The following PLCB4 variants were observed in gnomAD, a reference collection of about 807,000 sequenced individuals.
PLCB4 encodes the protein phospholipase C beta 4, also known as 1-phosphatidylinositol 4,5-bisphosphate phosphodiesterase beta-4.
A neutral mutation model predicts 178.8 loss-of-function variants in PLCB4; 77 were observed. That is an observed-to-expected ratio of 0.43 (90% CI 0.36 to 0.52). PLCB4 has a LOEUF of 0.52. PLCB4 is among the 20% of genes least tolerant of loss of function. The probability of loss-of-function intolerance (pLI) is 0.00; values close to 1 mark genes in which losing one functional copy is unlikely to be tolerated. For missense variants in PLCB4, 1,024 were observed against 1,453.4 expected, an observed-to-expected ratio of 0.70 and a Z score of 4.80; for synonymous variants, 496 against 490.8, an observed-to-expected ratio of 1.01 and a Z score of -0.14.
chr20:9,175,683 C>G (rs559958645), intron 2 of PLCB4, among the ~76,000 whole-genome samples: 25 of 152,150 alleles, frequency 1.6e-4, no homozygotes, highest in Middle Eastern at 3.4e-3. Flanking sequence ...AATGAATAGA[C>G]AGCTCACTCT....
At chr20:9,208,666 A>C (rs2093640366) in intron 2 of PLCB4, among the ~76,000 whole-genome samples, 1 of 152,010 alleles carries the variant, frequency 6.6e-6, no homozygotes, top group Admixed American at 6.5e-5. Context: ...CAGCTTCCTA[A>C]GTAGCTGGGA....
In PLCB4 at chr20:9,421,454, T is replaced by A. The variant is rs1309548197; in HGVS notation, c.2312T>A (p.Phe771Tyr). 1.9e-6 allele frequency: 3 copies of A among 1,612,270 alleles called. No homozygotes were observed. In the African/African-American group the frequency reaches 4.0e-5, roughly 22 times the overall value. The change falls in exon 27 of 40, where the codon TTT becomes TAT. Residue 771 changes from phenylalanine (F) to tyrosine (Y), a missense_variant. Phe to Tyr is a conservative substitution (Grantham distance 22). Transcript: ENST00000378473. ...GTTTACAATGAAGAGTCATTTGTAT[T>A]TCGGAAGGTAGGACATTTTCAGCAC... The part of the protein sequence containing the change: ...NPVYNEESFV[F>Y]RKVILPDLAV...
At chr20:9,388,160 C>T (rs1019232502) in intron 15 of PLCB4, among the ~76,000 whole-genome samples, 1 of 152,156 alleles carries the variant, frequency 6.6e-6, no homozygotes, top group African/African-American at 2.4e-5. Context: ...ATGGCTTGAA[C>T]CCGAGAGGTG....
intron 3 of PLCB4, among the ~76,000 whole-genome samples, chr20:9,283,474 T>A (rs904271422): frequency 5.3e-5 from 8 of 151,928 alleles, no homozygotes; most frequent in African/African-American, 1.7e-4. Context: ...CTTTAAAGTT[T>A]CAGAAGCAAG....
chr20:9,271,815 T>C (rs903562589), intron 3 of PLCB4, among the ~76,000 whole-genome samples: 7 of 152,064 alleles, frequency 4.6e-5, no homozygotes, highest in Non-Finnish European at 8.8e-5. Flanking sequence ...AGACTAACTA[T>C]ATCAGTTGGG....
At chr20:9,080,787 T>C (rs2090106077) in intron 1 of PLCB4, among the ~76,000 whole-genome samples, 1 of 152,178 alleles carries the variant, frequency 6.6e-6, no homozygotes, top group South Asian at 2.1e-4. Context: ...ATATATCCTG[T>C]TGTCTGCTGG....
At chr20:9,147,825 A>G (rs912111656) in intron 2 of PLCB4, among the ~76,000 whole-genome samples, 1 of 152,132 alleles carries the variant, frequency 6.6e-6, no homozygotes, top group African/African-American at 2.4e-5. Context: ...ATGGCACCAC[A>G]AAGTTACGTA....
chr20:9,347,559 A>G (rs1158120842), intron 7 of PLCB4, among the ~76,000 whole-genome samples: 1 of 152,192 alleles, frequency 6.6e-6, no homozygotes, highest in African/African-American at 2.4e-5. Flanking sequence ...TCATCCAGGA[A>G]TATTTTTTTG....
intron 2 of PLCB4, among the ~76,000 whole-genome samples, chr20:9,138,539 A>G (rs1266761552): frequency 6.6e-6 from 1 of 152,076 alleles, no homozygotes; most frequent in East Asian, 1.9e-4. Context: ...CTTTGCTCAG[A>G]TTTGTGTGCA....
At chr20:9,176,265 A>G (rs1218217770) in intron 2 of PLCB4, among the ~76,000 whole-genome samples, 5 of 152,106 alleles carry the variant, frequency 3.3e-5, no homozygotes, top group African/African-American at 1.2e-4. Flanking sequence ...GCATGTGTAT[A>G]TTTCCAGTGT....
chr20:9,208,101 A>G (rs2093633873), intron 2 of PLCB4, among the ~76,000 whole-genome samples: 1 of 152,200 alleles, frequency 6.6e-6, no homozygotes, highest in African/African-American at 2.4e-5. Context: ...GCTGTATAAT[A>G]GATGCAGAAA....
At chr20:9,462,766 G>A (rs2043487479) in intron 35 of PLCB4, among the ~76,000 whole-genome samples, 1 of 152,216 alleles carries the variant, frequency 6.6e-6, no homozygotes, top group South Asian at 2.1e-4. Context: ...ATGGGACTAT[G>A]TGAAAAGACC....
intron 2 of PLCB4, among the ~76,000 whole-genome samples, chr20:9,208,102 G>C (rs1037614981): frequency 6.6e-6 from 1 of 152,182 alleles, no homozygotes; most frequent in African/African-American, 2.4e-5. Context: ...CTGTATAATA[G>C]ATGCAGAAAT....
At chr20:9,134,166 A>ATTGGTATAATTGGTCTT (rs2092335066) in intron 2 of PLCB4, among the ~76,000 whole-genome samples, 2 of 152,278 alleles carry the variant, frequency 1.3e-5, no homozygotes, top group Admixed American at 6.5e-5. Flanking sequence ...CCCAAGAGCT[A>ATTGGTATAATTGGTCTT]TTGGTATAAT....
chr20:9,276,580 T>C (rs1485163233), intron 3 of PLCB4, among the ~76,000 whole-genome samples: 1 of 152,072 alleles, frequency 6.6e-6, no homozygotes, highest in East Asian at 1.9e-4. Flanking sequence ...AAGCAGTGAA[T>C]TGAGATCCAG....
chr20:9,218,927 CCTT>C (rs2093765201), intron 3 of PLCB4, among the ~76,000 whole-genome samples: 1 of 152,280 alleles, frequency 6.6e-6, no homozygotes, highest in African/African-American at 2.4e-5. Flanking sequence ...GCTTTTCACT[CCTT>C]CATCACATTA....
intron 24 of PLCB4, 146 bp from the exon 25 acceptor site, chr20:9,410,891 C>A: frequency 1.6e-6 from 1 of 611,966 alleles, no homozygotes; most frequent in Non-Finnish European, 2.9e-6. Flanking sequence ...GAGAGTATGC[C>A]TTAAATAGAC....
chr20:9,426,552 T>C (rs1568807363), intron 28 of PLCB4, among the ~76,000 whole-genome samples: 1 of 152,058 alleles, frequency 6.6e-6, no homozygotes, highest in Non-Finnish European at 1.5e-5. Flanking sequence ...TAATTTTGTG[T>C]TTTTAGTAGA....
chr20:9,118,018 CA>C (rs574035996), intron 2 of PLCB4, among the ~76,000 whole-genome samples: 8 of 149,236 alleles, frequency 5.4e-5, no homozygotes, highest in East Asian at 2.0e-4. Context: ...ATAAAGTCCT[CA>C]AAAAAAAAAG....
Sources: allele counts gnomAD v4.1 joint callset (sites outside exome capture counted in the v4.1 genomes callset), GRCh38; gene constraint gnomAD v4.1.1; transcripts MANE v1.5; gene names NCBI Gene and HGNC (gene_info 2026-07-23, HGNC 2026-07-21).